Variants in GABRB3 observed in about 807,000 individuals in gnomAD.
The protein encoded by GABRB3 is gamma-aminobutyric acid receptor subunit beta-3.
GABRB3 carries 14 observed loss-of-function variants against 52.1 expected under a neutral mutation model. The ratio of observed to expected loss-of-function variants is 0.27; its 90% CI spans 0.18 to 0.42. The LOEUF (loss-of-function observed/expected upper bound fraction) is 0.42. Ranked by LOEUF, GABRB3 falls within the 10% of genes least tolerant of loss-of-function variation. The probability of loss-of-function intolerance (pLI) is 1.00; values close to 1 mark genes in which losing one functional copy is unlikely to be tolerated. For synonymous variants in GABRB3, 260 were observed against 232.3 expected (o/e 1.12, Z -1.08); for missense variants, 307 against 609.1 (o/e 0.50, Z 5.22).
intron 3 of GABRB3, among the ~76,000 whole-genome samples, chr15:26,753,223 T>C (rs1890565466): frequency 6.6e-6 from 1 of 152,098 alleles, no homozygotes; most frequent in African/African-American, 2.4e-5. Flanking sequence ...CTGGCTCCAG[T>C]TACCCCTTCA....
intron 3 of GABRB3, among the ~76,000 whole-genome samples, chr15:26,626,909 C>T (rs1383530612): frequency 6.6e-6 from 1 of 152,194 alleles, no homozygotes; most frequent in Non-Finnish European, 1.5e-5. Context: ...TCAGAGTAGA[C>T]TTTGGAAGAA....
intron 3 of GABRB3, among the ~76,000 whole-genome samples, chr15:26,630,376 G>T (rs1892878957): frequency 6.6e-6 from 1 of 152,158 alleles, no homozygotes; most frequent in Admixed American, 6.5e-5. Flanking sequence ...AAAACACAAG[G>T]GAATTCTCCA....
At chr15:26,642,844 C>T (rs1201753089) in intron 3 of GABRB3, among the ~76,000 whole-genome samples, 1 of 152,150 alleles carries the variant, frequency 6.6e-6, no homozygotes, top group East Asian at 1.9e-4. Context: ...TTATTCATTA[C>T]ATTTGCCTCA....
rs1173361035 is a variant in GABRB3 at position 26,651,684 on chromosome 15, T to G, written c.241-30150A>C. On this transcript the variant is annotated intron_variant, in intron 3 of 8. Coordinates refer to ENST00000311550, the MANE Select transcript of GABRB3 (RefSeq NM_000814.6). The stretch of plus-strand genomic sequence containing the variant: ...ATACATATCTAAGGCACTTGGGGAG[T>G]CACACCCTACAAACCATAACATCTC... Among the ~76,000 whole-genome samples, 4 of 152,066 alleles carry G rather than the reference T, an allele frequency of 2.6e-5. No homozygotes were observed. The East Asian group carries it at 7.7e-4, about 29-fold the overall frequency.
intron 3 of GABRB3, among the ~76,000 whole-genome samples, chr15:26,722,186 C>A (rs540459142): frequency 3.9e-5 from 6 of 152,230 alleles, no homozygotes; most frequent in African/African-American, 1.2e-4. Flanking sequence ...ATTAGAACAA[C>A]CCGGAGAGCT....
chr15:26,690,106 A>AGT (rs71420020), intron 3 of GABRB3, among the ~76,000 whole-genome samples: 6 of 137,488 alleles, frequency 4.4e-5, no homozygotes, highest in Non-Finnish European at 3.1e-5. Context: ...AGGTACACGG[A>AGT]TTTTTTTTTT....
chr15:26,747,667 T>C (rs192725826), intron 3 of GABRB3, among the ~76,000 whole-genome samples: 168 of 152,306 alleles, frequency 1.1e-3, no homozygotes, highest in African/African-American at 3.9e-3. Context: ...TCAGAGACTG[T>C]TGTATTTCTT....
Position 26,546,302 on chromosome 15 carries a change from T to C in GABRB3, c.*1491A>G, listed in dbSNP as rs1227562487. The C allele has an allele frequency of 1.3e-5, 2 of 152,580 alleles. No homozygotes were observed. Among genetic ancestry groups the C allele is most frequent in the African/African-American group, 2.4e-5 (1 of 41,426 alleles). 9.5% of individuals were successfully genotyped at this position (152,580 alleles called of 1,614,324 possible). On this transcript the variant is annotated 3_prime_UTR_variant, in exon 9 of 9. Coordinates refer to ENST00000311550, the MANE Select transcript of GABRB3 (RefSeq NM_000814.6). ...AATATTGTTTACAAAAAATATATCA[T>C]CTCTTTTTTTTTTCTTTAGAAAGAT...
chr15:26,730,646 C>T (rs1364843054), intron 3 of GABRB3, among the ~76,000 whole-genome samples: 1 of 152,058 alleles, frequency 6.6e-6, no homozygotes, highest in South Asian at 2.1e-4. Context: ...AGTCATTTTA[C>T]CATTTTGGAC....
chr15:26,609,719 G>T (rs956998747), intron 4 of GABRB3, among the ~76,000 whole-genome samples: 1 of 152,152 alleles, frequency 6.6e-6, no homozygotes, highest in Non-Finnish European at 1.5e-5. Flanking sequence ...TGAAGAGCAT[G>T]GTGAATATAG....
intron 3 of GABRB3, among the ~76,000 whole-genome samples, chr15:26,656,423 C>G (rs895133648): frequency 6.6e-6 from 1 of 152,196 alleles, no homozygotes; most frequent in Non-Finnish European, 1.5e-5. Context: ...TGCAAACTTA[C>G]GATTTTTCCT....
In GABRB3 at chr15:26,551,309, A is replaced by T. The variant is rs1889452241; in HGVS notation, c.1081-3175T>A. On this transcript the variant is annotated intron_variant, in intron 8 of 8. Transcript: ENST00000311550. ...GCTATAAGAAATTGAATTTGAGAAG[A>T]GAGTGCAGAGAGGGGCCCCAGGGAG... Among the ~76,000 whole-genome samples, 7 of 152,188 alleles carry T rather than the reference A, an allele frequency of 4.6e-5. 1 individual carries two copies. The South Asian group carries it at 1.5e-3, about 32-fold the overall frequency.
chr15:26,772,564 G>C (rs529014190), intron 2 of GABRB3, 95 bp from the exon 3 acceptor site: 70 of 1,455,556 alleles, frequency 4.8e-5, no homozygotes, highest in Admixed American at 1.8e-4. Flanking sequence ...GGGCGCGGGC[G>C]AAGGGCCCCC....
intron 4 of GABRB3, chr15:26,615,359 C>T: frequency 1.0e-6 from 1 of 985,596 alleles, no homozygotes; most frequent in Non-Finnish European, 1.2e-6. Flanking sequence ...CATTCTCTCC[C>T]ATCACATGCT....
At chr15:26,763,117 A>T (rs8041610) in intron 3 of GABRB3, among the ~76,000 whole-genome samples, 7 of 151,920 alleles carry the variant, frequency 4.6e-5, no homozygotes, top group East Asian at 1.9e-4. Flanking sequence ...GTGGACTCTG[A>T]GCCTTCAGTG....
chr15:26,695,903 C>A (rs1036533066), intron 3 of GABRB3, among the ~76,000 whole-genome samples: 1 of 152,162 alleles, frequency 6.6e-6, no homozygotes, highest in Non-Finnish European at 1.5e-5. Flanking sequence ...TATCTTCAGG[C>A]ATGGAGAGGC....
intron 4 of GABRB3, among the ~76,000 whole-genome samples, chr15:26,589,983 C>A (rs1264093098): frequency 1.3e-5 from 2 of 152,172 alleles, no homozygotes; most frequent in Non-Finnish European, 2.9e-5. Context: ...CAAGCACTCC[C>A]AGCATGAGTC....
At chr15:26,762,816 G>A (rs1890856060) in intron 3 of GABRB3, among the ~76,000 whole-genome samples, 1 of 152,098 alleles carries the variant, frequency 6.6e-6, no homozygotes, top group Non-Finnish European at 1.5e-5. Flanking sequence ...ACATTCTATA[G>A]GACGGTGTTC....
intron 3 of GABRB3, among the ~76,000 whole-genome samples, chr15:26,744,389 G>A (rs1476407841): frequency 1.3e-5 from 2 of 151,690 alleles, no homozygotes; most frequent in Non-Finnish European, 2.9e-5. Flanking sequence ...AATAACTACA[G>A]TGGAAATCGT....
Sources: allele counts gnomAD v4.1 joint callset (sites outside exome capture counted in the v4.1 genomes callset), GRCh38; gene constraint gnomAD v4.1.1; transcripts MANE v1.5; gene names NCBI Gene and HGNC (gene_info 2026-07-23, HGNC 2026-07-21).